The following SDK1 variants were observed in gnomAD, a reference collection of about 807,000 sequenced individuals.
SDK1 encodes the protein protein sidekick-1.
A neutral mutation model predicts 245.5 loss-of-function variants in SDK1; 157 were observed. That is an observed-to-expected ratio of 0.64 (90% CI 0.56 to 0.73). SDK1 has a LOEUF of 0.73. Among genes scored for constraint, SDK1 ranks in the 30% least tolerant of loss-of-function variants. SDK1 has a pLI of 0.00. For synonymous variants in SDK1, 1,647 were observed against 1,278.5 expected, an observed-to-expected ratio of 1.29 and a Z score of -6.15; for missense variants, 3,583 against 3,002.3, an observed-to-expected ratio of 1.19 and a Z score of -4.52.
intron 1 of SDK1, among the ~76,000 whole-genome samples, chr7:3,403,838 T>TATATATATA (rs1778959874): frequency 1.8e-5 from 1 of 57,036 alleles, no homozygotes; most frequent in Non-Finnish European, 2.9e-5. Flanking sequence ...TATATATATA[T>TATATATATA]ATATATATAT....
At chr7:4,083,497 C>A (rs2128180224) in intron 22 of SDK1, among the ~76,000 whole-genome samples, 1 of 149,024 alleles carries the variant, frequency 6.7e-6, no homozygotes, top group Admixed American at 6.7e-5. Flanking sequence ...AAGTTCATTG[C>A]AAAGAACTGG....
intron 1 of SDK1, among the ~76,000 whole-genome samples, chr7:3,541,861 C>T (rs1463536545): frequency 6.6e-6 from 1 of 152,092 alleles, no homozygotes; most frequent in East Asian, 1.9e-4. Context: ...TAAATGCCCT[C>T]TTATGTTTTG....
At chr7:3,475,996 C>T (rs2128600214) in intron 1 of SDK1, 1 of 152,670 alleles carries the variant, frequency 6.6e-6, no homozygotes, top group Admixed American at 6.5e-5. Context: ...TGCTTATTAT[C>T]TTTTGGTAAT....
chr7:3,575,422 T>C (rs1780253461), intron 1 of SDK1, among the ~76,000 whole-genome samples: 1 of 152,016 alleles, frequency 6.6e-6, no homozygotes, highest in African/African-American at 2.4e-5. Flanking sequence ...GGTTAGGGCA[T>C]CAAACGAATG....
intron 4 of SDK1, among the ~76,000 whole-genome samples, chr7:3,674,749 C>T (rs560850404): frequency 6.6e-6 from 1 of 152,134 alleles, no homozygotes; most frequent in African/African-American, 2.4e-5. Flanking sequence ...TGAATACTCC[C>T]ACCACAGTGT....
chr7:3,369,450 C>A (rs1426469749), intron 1 of SDK1, among the ~76,000 whole-genome samples: 1 of 151,558 alleles, frequency 6.6e-6, no homozygotes, highest in African/African-American at 2.4e-5. Flanking sequence ...ATACAGCCTG[C>A]AAAACAAAAT....
chr7:3,550,942 C>T (rs999450450), intron 1 of SDK1, among the ~76,000 whole-genome samples: 2 of 152,118 alleles, frequency 1.3e-5, no homozygotes, highest in Non-Finnish European at 2.9e-5. Context: ...TCTTATCATT[C>T]TTGATTGTTA....
intron 1 of SDK1, among the ~76,000 whole-genome samples, chr7:3,517,665 T>C (rs907775902): frequency 6.6e-6 from 1 of 152,162 alleles, no homozygotes; most frequent in Admixed American, 6.6e-5. Flanking sequence ...AGGTTGTCCA[T>C]GTTGATGCCC....
At chr7:3,959,289 A>G (rs1296143504) in intron 8 of SDK1, among the ~76,000 whole-genome samples, 3 of 152,156 alleles carry the variant, frequency 2.0e-5, no homozygotes, top group Admixed American at 6.5e-5. Flanking sequence ...AGGGGACTCC[A>G]TCATATCCTG....
intron 5 of SDK1, among the ~76,000 whole-genome samples, chr7:3,862,237 A>G (rs1780711477): frequency 2.0e-5 from 3 of 152,280 alleles, no homozygotes; most frequent in South Asian, 4.1e-4. Context: ...CCCAGAAAAC[A>G]CTCAGACCAA....
chr7:4,038,515 C>T (rs867771400), intron 17 of SDK1, among the ~76,000 whole-genome samples: 1 of 152,128 alleles, frequency 6.6e-6, no homozygotes, highest in African/African-American at 2.4e-5. Flanking sequence ...TGTAATAATC[C>T]TCTAGACTGG....
chr7:4,106,167 G>A (rs1338578989), intron 22 of SDK1, among the ~76,000 whole-genome samples: 1 of 152,198 alleles, frequency 6.6e-6, no homozygotes, highest in Non-Finnish European at 1.5e-5. Context: ...TCGCTGCTCA[G>A]AAGGCAGGTG....
At chr7:3,656,004 C>T (rs1482089710) in intron 4 of SDK1, among the ~76,000 whole-genome samples, 4 of 152,186 alleles carry the variant, frequency 2.6e-5, no homozygotes, top group East Asian at 1.9e-4. Context: ...CCGTGAAGTA[C>T]GCATGGTGTG....
intron 1 of SDK1, among the ~76,000 whole-genome samples, chr7:3,473,714 C>T (rs918537634): frequency 4.0e-5 from 6 of 151,768 alleles, no homozygotes; most frequent in African/African-American, 1.5e-4. Context: ...AGTTACCTTC[C>T]TTCTACTTCT....
intron 1 of SDK1, among the ~76,000 whole-genome samples, chr7:3,329,008 CA>C (rs1271392472): frequency 6.6e-6 from 1 of 152,148 alleles, no homozygotes; most frequent in Non-Finnish European, 1.5e-5. Context: ...CCAAAGGTCT[CA>C]TCAATGTAGT....
chr7:4,102,407 G>C (rs1270677750), intron 22 of SDK1, among the ~76,000 whole-genome samples: 1 of 152,140 alleles, frequency 6.6e-6, no homozygotes, highest in Non-Finnish European at 1.5e-5. Context: ...AGCCAGGCAG[G>C]GTGCGCTTGG....
At chr7:3,380,360 T>C (rs548484395) in intron 1 of SDK1, among the ~76,000 whole-genome samples, 3 of 152,336 alleles carry the variant, frequency 2.0e-5, no homozygotes, top group East Asian at 3.9e-4. Context: ...CGTTGTTAAA[T>C]GGTTCACAGT....
intron 27 of SDK1, among the ~76,000 whole-genome samples, chr7:4,130,645 C>A (rs1025565457): frequency 5.3e-5 from 8 of 152,214 alleles, no homozygotes; most frequent in African/African-American, 1.9e-4. Context: ...CCCCAGCTCC[C>A]TGAGTTTCTG....
chr7:4,175,874 C>T (rs766805656), intron 34 of SDK1, 40 bp downstream of exon 34: 18 of 1,571,374 alleles, frequency 1.1e-5, no homozygotes, highest in Middle Eastern at 3.3e-4. Context: ...CCGCGAGGCG[C>T]ACACACTGTG....
Sources: allele counts gnomAD v4.1 joint callset (sites outside exome capture counted in the v4.1 genomes callset), GRCh38; gene constraint gnomAD v4.1.1; transcripts MANE v1.5; gene names NCBI Gene and HGNC (gene_info 2026-07-23, HGNC 2026-07-21).